Variants in SGIP1 observed in about 807,000 individuals in gnomAD.
The protein encoded by SGIP1 is SH3GL interacting endocytic adaptor 1.
SGIP1 carries 38 observed loss-of-function variants against 107.5 expected under a neutral mutation model. The ratio of observed to expected loss-of-function variants is 0.35; its 90% confidence interval spans 0.27 to 0.46. The LOEUF is 0.46. Among genes scored for constraint, SGIP1 ranks in the 20% least tolerant of loss-of-function variants. The probability of loss-of-function intolerance (pLI) is 1.00; values close to 1 mark genes in which losing one functional copy is unlikely to be tolerated. For missense variants in SGIP1, 929 were observed against 1,019.5 expected (o/e 0.91, Z 1.21); for synonymous variants, 365 against 366.1 (o/e 1.00, Z 0.03).
chr1:66,739,545 G>A lies in SGIP1; in HGVS notation c.2234+8G>A, dbSNP rs751916334. On this transcript the variant is annotated splice_region_variant and intron_variant, in intron 22 of 24. Coordinates refer to ENST00000371037, the MANE Select transcript of SGIP1 (RefSeq NM_032291.4). Reference sequence around the variant, plus strand: ...GCTCCCACCAGCAGTCTGGTATGAAGCCTCCTATTCTCTCCACCAAAGGGC... The same window carrying A: ...GCTCCCACCAGCAGTCTGGTATGAAACCTCCTATTCTCTCCACCAAAGGGC... 1.2e-6 allele frequency: 2 copies of A among 1,613,208 alleles called. No homozygotes were observed. The highest frequency in any genetic ancestry group is 1.7e-6 in the Non-Finnish European group (2 of 1,180,010).
chr1:66,659,940 A>AAAAG (rs201787822), intron 7 of SGIP1, among the ~76,000 whole-genome samples: 13,670 of 59,010 alleles, frequency 0.23, 3,732 homozygotes, highest in East Asian at 0.9. Context: ...GAGAGAAAGA[A>AAAAG]AAAGAAAGAA....
At chr1:66,636,275 A>G (rs2075760408) in intron 4 of SGIP1, among the ~76,000 whole-genome samples, 2 of 152,222 alleles carry the variant, frequency 1.3e-5, no homozygotes, top group Non-Finnish European at 2.9e-5. Context: ...TCGACAAAGG[A>G]CAGGAATTCA....
chr1:66,742,751 G>C (rs956033120), intron 24 of SGIP1, among the ~76,000 whole-genome samples: 1 of 149,152 alleles, frequency 6.7e-6, no homozygotes, highest in East Asian at 2.0e-4. Flanking sequence ...TTACAGGCGT[G>C]AGCCACCGCG....
intron 1 of SGIP1, chr1:66,590,535 T>C (rs920197243): frequency 6.6e-6 from 1 of 152,174 alleles, no homozygotes; most frequent in Non-Finnish European, 1.5e-5. Context: ...CTTCCTGGGC[T>C]CAAGTGATTC....
At chr1:66,630,618 C>A (rs12040170) in intron 2 of SGIP1, among the ~76,000 whole-genome samples, 20,315 of 150,934 alleles carry the variant, frequency 0.13, 2,030 homozygotes, top group East Asian at 0.46. Context: ...ACCAGCCTGG[C>A]CAACATGGTG....
At chr1:66,686,637 C>T (rs992515873) in intron 15 of SGIP1, among the ~76,000 whole-genome samples, 9 of 152,258 alleles carry the variant, frequency 5.9e-5, no homozygotes, top group African/African-American at 1.9e-4. Context: ...CTGAACATCC[C>T]CTGCTAAGCC....
intron 18 of SGIP1, among the ~76,000 whole-genome samples, chr1:66,707,403 A>G (rs1322474826): frequency 6.6e-6 from 1 of 152,172 alleles, no homozygotes; most frequent in African/African-American, 2.4e-5. Flanking sequence ...TCTATACCAC[A>G]TATTTATAAC....
intron 19 of SGIP1, among the ~76,000 whole-genome samples, chr1:66,724,135 C>A (rs956943168): frequency 3.9e-5 from 6 of 152,166 alleles, no homozygotes; most frequent in Non-Finnish European, 7.4e-5. Flanking sequence ...GAGAGAGATG[C>A]ATCTCTGATG....
At chr1:66,715,216 T>C (rs2150384202) in intron 18 of SGIP1, among the ~76,000 whole-genome samples, 1 of 152,212 alleles carries the variant, frequency 6.6e-6, no homozygotes, top group Non-Finnish European at 1.5e-5. Context: ...CAAATAGTTG[T>C]GGAAAATGAT....
intron 18 of SGIP1, among the ~76,000 whole-genome samples, chr1:66,711,588 TC>T (rs1211697232): frequency 6.6e-6 from 1 of 152,184 alleles, no homozygotes; most frequent in Non-Finnish European, 1.5e-5. Context: ...TTCTGGAGCG[TC>T]GTCTGTCTTC....
intron 18 of SGIP1, among the ~76,000 whole-genome samples, chr1:66,716,654 C>A (rs1314281540): frequency 6.6e-6 from 1 of 151,976 alleles, no homozygotes; most frequent in South Asian, 2.1e-4. Context: ...GTGTTCTAAC[C>A]CCAGTTCCAG....
intron 17 of SGIP1, 107 bp from the exon 18 acceptor site, chr1:66,695,327 A>G: frequency 3.2e-6 from 5 of 1,587,212 alleles, no homozygotes; most frequent in Non-Finnish European, 4.3e-6. Context: ...TAGTGCCTCC[A>G]CCCTTCCCTA....
intron 8 of SGIP1, among the ~76,000 whole-genome samples, chr1:66,664,157 C>T (rs1489803618): frequency 1.3e-5 from 2 of 152,072 alleles, no homozygotes. Flanking sequence ...TCTAAATTTT[C>T]ATATAAAAAA....
At chr1:66,651,124 G>A (rs1266587754) in intron 7 of SGIP1, among the ~76,000 whole-genome samples, 1 of 152,168 alleles carries the variant, frequency 6.6e-6, no homozygotes, top group African/African-American at 2.4e-5. Context: ...TAAAAGAGGT[G>A]CTTAGTAAAT....
chr1:66,679,743 A>G lies in SGIP1; in HGVS notation c.805A>G (p.Ile269Val), dbSNP rs1319298880. The G allele has an allele frequency of 2.5e-6, 4 of 1,599,142 alleles. No homozygotes were observed. Among genetic ancestry groups the G allele is most frequent in the East Asian group, 2.3e-5 (1 of 43,498 alleles). ...TPPRTGSPLT[I>V]GPGNDQSATE... ...ACCCCGAACAGGATCCCCCTTAACAATTGGACCAGGTACGCTTTTGTTTTT... is the reference window on the plus strand; with the variant it reads ...ACCCCGAACAGGATCCCCCTTAACAGTTGGACCAGGTACGCTTTTGTTTTT... The change falls in exon 14 of 25, where the codon ATT (isoleucine) becomes GTT (valine). Residue 269 changes from isoleucine to valine, a missense_variant. This residue lies in a region of SGIP1 where 588 missense variants were observed against 588.6 expected (regional missense o/e 1.00). Transcript: ENST00000371037.
chr1:66,533,546 G>A (rs945677955), upstream of SGIP1: 1 of 152,084 alleles, frequency 6.6e-6, no homozygotes, highest in African/African-American at 2.4e-5. Flanking sequence ...TTTATGATGT[G>A]ACGTCAGTCG....
intron 5 of SGIP1, among the ~76,000 whole-genome samples, chr1:66,641,012 G>A (rs2076689047): frequency 6.6e-6 from 1 of 152,106 alleles, no homozygotes; most frequent in South Asian, 2.1e-4. Context: ...TCCAGCCTGA[G>A]CAACACAGAG....
At chr1:66,648,826 G>A (rs191573827) in intron 7 of SGIP1, among the ~76,000 whole-genome samples, 25 of 152,298 alleles carry the variant, frequency 1.6e-4, no homozygotes, top group African/African-American at 6.0e-4. Context: ...AGATTGTCCT[G>A]GGCCCCAGCC....
intron 18 of SGIP1, among the ~76,000 whole-genome samples, chr1:66,696,500 C>A (rs1478834695): frequency 6.6e-6 from 1 of 152,132 alleles, no homozygotes; most frequent in Admixed American, 6.5e-5. Context: ...TTTAATGCAA[C>A]TTTAAAAATC....
Sources: allele counts gnomAD v4.1 joint callset (sites outside exome capture counted in the v4.1 genomes callset), GRCh38; gene constraint gnomAD v4.1.1; regional missense constraint gnomAD v4.1.1; transcripts MANE v1.5; gene names NCBI Gene and HGNC (gene_info 2026-07-23, HGNC 2026-07-21).